PCED1B: variants seen among roughly 807,000 people sequenced by gnomAD.
PCED1B encodes PC-esterase domain-containing protein 1B.
For missense variants in PCED1B, 573 were observed against 573.9 expected (o/e 1.00, Z 0.02); for synonymous variants, 251 against 246.1 (o/e 1.02, Z -0.19).
chr12:47,192,123 T>A (rs942580191), intron 2 of PCED1B, among the ~76,000 whole-genome samples: 5 of 151,918 alleles, frequency 3.3e-5, no homozygotes, highest in African/African-American at 1.2e-4. Context: ...TTTATGTGGA[T>A]CTGGCTTGCT....
intron 2 of PCED1B, among the ~76,000 whole-genome samples, chr12:47,169,395 A>G (rs912387218): frequency 1.3e-5 from 2 of 151,822 alleles, no homozygotes; most frequent in Admixed American, 1.3e-4. Flanking sequence ...GGGAGAAGAA[A>G]GTGTCAGAGT....
At chr12:47,198,827 A>G (rs548445342) in intron 2 of PCED1B, among the ~76,000 whole-genome samples, 2 of 151,960 alleles carry the variant, frequency 1.3e-5, no homozygotes, top group Non-Finnish European at 2.9e-5. Flanking sequence ...TTAGCCAGAC[A>G]TGGTTGCACA....
chr12:47,121,550 A>G (rs1455048055), intron 2 of PCED1B, among the ~76,000 whole-genome samples: 1 of 152,210 alleles, frequency 6.6e-6, no homozygotes, highest in Non-Finnish European at 1.5e-5. Flanking sequence ...CATGTTTTAC[A>G]TGTTCTAATA....
intron 2 of PCED1B, among the ~76,000 whole-genome samples, chr12:47,133,454 C>T (rs1044520900): frequency 9.9e-5 from 15 of 152,142 alleles, no homozygotes; most frequent in Admixed American, 1.3e-4. Context: ...ATAATGATTT[C>T]GGTTTAATTA....
intron 3 of PCED1B, among the ~76,000 whole-genome samples, chr12:47,221,548 A>G (rs1418629885): frequency 1.3e-5 from 2 of 152,030 alleles, no homozygotes; most frequent in Non-Finnish European, 2.9e-5. Flanking sequence ...TTAAAACAAA[A>G]CCAGTCATCA....
chr12:47,159,080 A>G (rs1158831585), intron 2 of PCED1B, among the ~76,000 whole-genome samples: 1 of 151,912 alleles, frequency 6.6e-6, no homozygotes, highest in Non-Finnish European at 1.5e-5. Flanking sequence ...TGATTTTATT[A>G]TTTTTTTACA....
At position 47,236,417 on chromosome 12, in the gene PCED1B, T is replaced by C; in HGVS notation, c.*55T>C. On this transcript the variant is annotated 3_prime_UTR_variant, in exon 4 of 4. Transcript: ENST00000546455. ...AACATGGATTGGACAGATCTGACAC[T>C]TCCTTTCCATTGCTTGGCCTGAACA... is the stretch of plus-strand genomic sequence containing the variant. The C allele has an allele frequency of 7.0e-7, 1 of 1,438,470 alleles. No homozygotes were observed. The allele number at this position is 1,438,470 out of a possible 1,614,324, so 89.1% of individuals were successfully genotyped here.
chr12:47,169,754 C>T (rs11612701), intron 2 of PCED1B, among the ~76,000 whole-genome samples: 34,999 of 151,220 alleles, frequency 0.23, 5,144 homozygotes, highest in Non-Finnish European at 0.33. Context: ...TTTTGGGAGG[C>T]CAAGATAGGA....
intron 2 of PCED1B, among the ~76,000 whole-genome samples, chr12:47,177,447 A>C (rs538887802): frequency 6.6e-6 from 1 of 152,116 alleles, no homozygotes; most frequent in African/African-American, 2.4e-5. Context: ...GGTTCCAATC[A>C]CCCTCACACT....
chr12:47,086,622 C>T (rs370638764), intron 1 of PCED1B, among the ~76,000 whole-genome samples: 121 of 152,256 alleles, frequency 7.9e-4, no homozygotes, highest in African/African-American at 2.8e-3. Flanking sequence ...CTTTAAAAAA[C>T]TCAGTGTGTC....
At chr12:47,212,097 C>T (rs1943110122) in intron 2 of PCED1B, among the ~76,000 whole-genome samples, 1 of 145,058 alleles carries the variant, frequency 6.9e-6, no homozygotes, top group African/African-American at 2.6e-5. Flanking sequence ...AAAAAAAACC[C>T]AATCTCTACC....
At chr12:47,102,172 A>G (rs1328652356) in intron 1 of PCED1B, among the ~76,000 whole-genome samples, 1 of 152,242 alleles carries the variant, frequency 6.6e-6, no homozygotes, top group Non-Finnish European at 1.5e-5. Context: ...ATATCTTAAC[A>G]TCATTAGCTT....
intron 2 of PCED1B, among the ~76,000 whole-genome samples, chr12:47,196,241 C>T (rs1436381723): frequency 6.6e-6 from 1 of 152,164 alleles, no homozygotes; most frequent in Non-Finnish European, 1.5e-5. Context: ...GGCAGTAGAA[C>T]TTAGTAGCTA....
rs56295736 is a variant in PCED1B, at chr12:47,151,291, C to T, written c.-526+47096C>T. Among the ~76,000 whole-genome samples the T allele has an allele frequency of 2.3e-3, 346 of 152,072 alleles. 6 individuals carry two copies. The East Asian group carries it at 0.057, about 25-fold the overall frequency. On this transcript the variant is annotated intron_variant, in intron 2 of 3. Transcript: ENST00000546455. ...TTCTACATTTAAATATATTTAGATACGAAAGTACTTTACCATTGTATTACA... is the reference window on the plus strand; with the variant it reads ...TTCTACATTTAAATATATTTAGATATGAAAGTACTTTACCATTGTATTACA...
At chr12:47,171,403 C>G (rs1361655905) in intron 2 of PCED1B, among the ~76,000 whole-genome samples, 1 of 152,102 alleles carries the variant, frequency 6.6e-6, no homozygotes, top group Non-Finnish European at 1.5e-5. Context: ...GCTGATATGG[C>G]TTAATACTTT....
chr12:47,232,381 A>C (rs1409926392), intron 3 of PCED1B, among the ~76,000 whole-genome samples: 1 of 152,218 alleles, frequency 6.6e-6, no homozygotes, highest in Admixed American at 6.5e-5. Flanking sequence ...ATGAAACTTA[A>C]TATTCTATCT....
chr12:47,160,560 A>G (rs1592219388), intron 2 of PCED1B, among the ~76,000 whole-genome samples: 1 of 150,126 alleles, frequency 6.7e-6, no homozygotes, highest in South Asian at 2.1e-4. Flanking sequence ...CAATGTTTCA[A>G]CCTCCCAAAG....
At chr12:47,198,484 G>T (rs111241025) in intron 2 of PCED1B, among the ~76,000 whole-genome samples, 302 of 152,008 alleles carry the variant, frequency 2.0e-3, no homozygotes, top group African/African-American at 7.1e-3. Flanking sequence ...TTCTCCCTAC[G>T]ATCAAGAACA....
intron 2 of PCED1B, among the ~76,000 whole-genome samples, chr12:47,132,541 T>G (rs1940176232): frequency 1.3e-5 from 2 of 152,122 alleles, no homozygotes; most frequent in South Asian, 4.1e-4. Context: ...CCAGGATGGT[T>G]TATTTGAAGT....
Sources: gnomAD v4.1 joint callset for allele counts (sites outside exome capture counted in the v4.1 genomes callset) on GRCh38, gnomAD v4.1.1 for gene constraint, MANE v1.5 for transcripts, NCBI Gene and HGNC (gene_info 2026-07-23, HGNC 2026-07-21) for gene names.